MPDZ: variants seen among roughly 807,000 people sequenced by gnomAD.
MPDZ encodes multiple PDZ domain crumbs cell polarity complex component, also known as multiple PDZ domain protein.
In MPDZ, 234 loss-of-function variants were observed where a neutral mutation model predicts 239.1. That is an observed-to-expected ratio of 0.98 (90% CI 0.88 to 1.09). The LOEUF is 1.09. Among genes scored for constraint, MPDZ ranks in the 50% least tolerant of loss-of-function variants. The pLI, the probability that MPDZ is intolerant of heterozygous loss-of-function variation, is 0.00. For missense variants in MPDZ, 3,175 were observed against 2,510.0 expected, an observed-to-expected ratio of 1.26 and a Z score of -5.66; for synonymous variants, 1,048 against 881.3, an observed-to-expected ratio of 1.19 and a Z score of -3.35.
intron 12 of MPDZ, among the ~76,000 whole-genome samples, chr9:13,199,770 T>C (rs1439290542): frequency 6.6e-6 from 1 of 152,124 alleles, no homozygotes; most frequent in Non-Finnish European, 1.5e-5. Flanking sequence ...ATTTACTGAT[T>C]GGCATATGTT....
At chr9:13,252,891 T>A (rs921982475) in intron 1 of MPDZ, among the ~76,000 whole-genome samples, 1 of 152,178 alleles carries the variant, frequency 6.6e-6, no homozygotes, top group African/African-American at 2.4e-5. Flanking sequence ...GAATTTAAAT[T>A]TCAACTAGCT....
At chr9:13,249,235 C>G (rs554230933) in intron 2 of MPDZ, among the ~76,000 whole-genome samples, 5 of 152,050 alleles carry the variant, frequency 3.3e-5, no homozygotes, top group African/African-American at 1.2e-4. Flanking sequence ...CCCATGTTAT[C>G]ACAGGATACA....
chr9:13,160,190 A>G (rs915657874), intron 23 of MPDZ, among the ~76,000 whole-genome samples: 23 of 152,290 alleles, frequency 1.5e-4, no homozygotes, highest in African/African-American at 5.1e-4. Context: ...GACTTGTGCA[A>G]TTCCTTCCTT....
chr9:13,132,369 C>G (rs149181452), intron 32 of MPDZ, among the ~76,000 whole-genome samples: 1 of 152,206 alleles, frequency 6.6e-6, no homozygotes, highest in Non-Finnish European at 1.5e-5. Context: ...GGGCTTCTGA[C>G]AGCACAGGCT....
At chr9:13,163,690 C>A (rs1243011871) in intron 22 of MPDZ, among the ~76,000 whole-genome samples, 1 of 151,996 alleles carries the variant, frequency 6.6e-6, no homozygotes, top group Admixed American at 6.6e-5. Context: ...GTTTGTGCAA[C>A]TAAAAATTAG....
intron 10 of MPDZ, among the ~76,000 whole-genome samples, chr9:13,211,900 C>T (rs370823866): frequency 6.6e-6 from 1 of 151,880 alleles, no homozygotes. Context: ...GGCTTTTTAA[C>T]CATGTTCAAA....
chr9:13,151,031 C>G (rs948012862), intron 24 of MPDZ, among the ~76,000 whole-genome samples: 1 of 151,728 alleles, frequency 6.6e-6, no homozygotes, highest in Non-Finnish European at 1.5e-5. Context: ...CATAAATGAC[C>G]AATAAGCACA....
chr9:13,240,504 A>ATTAACAGTTT (rs887471578), intron 3 of MPDZ, among the ~76,000 whole-genome samples: 9 of 143,702 alleles, frequency 6.3e-5, no homozygotes, highest in Non-Finnish European at 1.2e-4. Flanking sequence ...CAGGGATGCT[A>ATTAACAGTTT]TTAACAGTTT....
At chr9:13,209,496 T>C (rs185087217) in intron 10 of MPDZ, among the ~76,000 whole-genome samples, 8 of 152,200 alleles carry the variant, frequency 5.3e-5, no homozygotes, top group African/African-American at 1.4e-4. Context: ...AAAAAAACCA[T>C]ACAATCTGCA....
chr9:13,183,418 CT>C lies in MPDZ; in HGVS notation c.2648del (p.Lys883ArgfsTer39). On this transcript the variant is annotated frameshift_variant and splice_region_variant, in exon 19 of 47. Coordinates refer to ENST00000319217, the MANE Select transcript of MPDZ (RefSeq NM_001378778.1). LOFTEE classifies it high-confidence loss of function. ...YGSSLPSSPP[K>X]DVIENSCDPV... ...AGAAAAATTGGCTTTTCCTTTGTAC[CT>C]TAGGAGGAGATGATGGAAGGGAAGA... 1 of 1,602,666 alleles carries C rather than the reference CT, an allele frequency of 6.2e-7. No individual in the cohort carries two copies. The highest frequency in any genetic ancestry group is 8.5e-7 in the Non-Finnish European group (1 of 1,175,832).
In MPDZ at chr9:13,139,408, T is replaced by C. The variant is rs376484251; in HGVS notation, c.4003+579A>G. On this transcript the variant is annotated intron_variant, in intron 28 of 46. Coordinates refer to ENST00000319217, the MANE Select transcript of MPDZ (RefSeq NM_001378778.1). ...ATAACAGCTGCCTATGAAAGACTGC[T>C]GGGCGCCAGGCACTGTGCTTAGCAC... 3.3e-4 allele frequency among the ~76,000 whole-genome samples: 51 copies of C among 152,338 alleles called. No individual in the cohort carries two copies. In the East Asian group the frequency reaches 9.5e-3, roughly 28 times the overall value.
intron 46 of MPDZ, among the ~76,000 whole-genome samples, chr9:13,107,502 G>A (rs1021396416): frequency 6.6e-6 from 1 of 152,138 alleles, no homozygotes; most frequent in Admixed American, 6.5e-5. Flanking sequence ...TAAAGGATTA[G>A]GTAGGAACAA....
chr9:13,221,369 T>G lies in MPDZ; in HGVS notation c.876+3A>C. 1.2e-6 allele frequency: 2 copies of G among 1,606,148 alleles called. No homozygotes were observed. The highest frequency in any genetic ancestry group is 1.7e-6 in the Non-Finnish European group (2 of 1,175,646). On this transcript the variant is annotated splice_donor_region_variant and intron_variant, in intron 7 of 46. Coordinates refer to ENST00000319217, the MANE Select transcript of MPDZ (RefSeq NM_001378778.1). ...GCATAAAAGATCTATTGATGTAGCC[T>G]ACCTGATCAGCTACTCCTCCAGGCA...
chr9:13,208,169 G>A (rs138882408), intron 10 of MPDZ, among the ~76,000 whole-genome samples: 237 of 152,262 alleles, frequency 1.6e-3, no homozygotes, highest in African/African-American at 5.4e-3. Flanking sequence ...AAGGCTGGGC[G>A]CAGTGGCTAA....
rs1325694455 is a variant in MPDZ, at chr9:13,115,267, C to T, written c.5447G>A (p.Arg1816Lys). The T allele has an allele frequency of 6.2e-6, 10 of 1,612,542 alleles. No homozygotes were observed. Among genetic ancestry groups the T allele is most frequent in the Non-Finnish European group, 8.5e-6 (10 of 1,179,822 alleles). ...ACCCACCTGGCTGCTTTGAGATGGC[C>T]TCCTCTCTGAATGGAATGGACCAGC... ...IKAGPFHSER[R>K]PSQSSQVSEG... The change falls in exon 40 of 47, where the codon AGG (arginine) becomes AAG (lysine). Residue 1816 changes from arginine to lysine, a missense_variant. Physicochemically the swap from Arg to Lys is conservative, Grantham distance 26. Coordinates refer to ENST00000319217, the MANE Select transcript of MPDZ (RefSeq NM_001378778.1).
intron 1 of MPDZ, among the ~76,000 whole-genome samples, chr9:13,277,802 T>C (rs1974581117): frequency 6.6e-6 from 1 of 152,174 alleles, no homozygotes; most frequent in African/African-American, 2.4e-5. Flanking sequence ...TGACCTTAAG[T>C]GATCCACCCA....
At chr9:13,123,450 ATTATC>A (rs1430983943) in intron 35 of MPDZ, among the ~76,000 whole-genome samples, 152 bp from the exon 36 acceptor site, 1 of 152,168 alleles carries the variant, frequency 6.6e-6, no homozygotes, top group Non-Finnish European at 1.5e-5. Context: ...CAATCTTTTA[ATTATC>A]TTATATTTAA....
At chr9:13,112,370 T>G (rs2131176809) in intron 42 of MPDZ, among the ~76,000 whole-genome samples, 1 of 152,226 alleles carries the variant, frequency 6.6e-6, no homozygotes, top group East Asian at 1.9e-4. Context: ...ACATGCTAAA[T>G]GAAAATCATG....
intron 10 of MPDZ, among the ~76,000 whole-genome samples, chr9:13,211,526 GTATACAAGA>G (rs1361862461): frequency 6.6e-6 from 1 of 152,022 alleles, no homozygotes; most frequent in Non-Finnish European, 1.5e-5. Flanking sequence ...GAAATCTGTA[GTATACAAGA>G]TACAGTGCTG....
Sources: gnomAD v4.1 joint callset for allele counts (sites outside exome capture counted in the v4.1 genomes callset) on GRCh38, gnomAD v4.1.1 for gene constraint, MANE v1.5 for transcripts, NCBI Gene and HGNC (gene_info 2026-07-23, HGNC 2026-07-21) for gene names.